The following MTOR variants were observed in gnomAD, a reference collection of about 807,000 sequenced individuals.
MTOR encodes serine/threonine-protein kinase mTOR.
MTOR carries 70 observed loss-of-function variants against 319.8 expected under a neutral mutation model. That is an observed-to-expected ratio of 0.22 (90% confidence interval 0.18 to 0.27). The LOEUF (loss-of-function observed/expected upper bound fraction) is 0.27. Among genes scored for constraint, MTOR ranks in the 10% least tolerant of loss-of-function variants. The pLI, the probability that MTOR is intolerant of heterozygous loss-of-function variation, is 1.00. For synonymous variants in MTOR, 1,183 were observed against 1,211.4 expected (o/e 0.98, Z 0.49); for missense variants, 1,890 against 3,274.4 (o/e 0.58, Z 10.32).
At chr1:11,174,278 C>T (rs764958393) in intron 28 of MTOR, among the ~76,000 whole-genome samples, 3 of 152,186 alleles carry the variant, frequency 2.0e-5, no homozygotes, top group East Asian at 1.9e-4. Flanking sequence ...GTAAAATGAA[C>T]GAGTGTGAGC....
intron 20 of MTOR, 24 bp from the exon 21 acceptor site, chr1:11,213,590 G>A (rs776146863): frequency 2.5e-6 from 4 of 1,609,736 alleles, no homozygotes; most frequent in Middle Eastern, 1.7e-4. Flanking sequence ...AAAGTCAGAG[G>A]AGCTGAGTCA....
rs1178993472 is a variant in MTOR at position 11,124,479 on chromosome 1, T to C, written c.6662+19A>G. 6.3e-7 allele frequency: 1 copy of C among 1,595,728 alleles called. No homozygotes were observed. The highest frequency in any genetic ancestry group is 1.1e-5 in the South Asian group (1 of 90,654). The stretch of plus-strand genomic sequence containing the variant: ...CAGAAGACTTCTCAAATTGTTGCCA[T>C]TTCAGGGTTTCTGAATACCTGAGGT... On this transcript the variant is annotated intron_variant, in intron 47 of 57. Transcript: ENST00000361445.
At chr1:11,202,471 G>C (rs1448362543) in intron 26 of MTOR, among the ~76,000 whole-genome samples, 1 of 144,614 alleles carries the variant, frequency 6.9e-6, no homozygotes, top group Non-Finnish European at 1.5e-5. Flanking sequence ...TATTTTTTTT[G>C]GCGGGGTTGA....
intron 13 of MTOR, among the ~76,000 whole-genome samples, chr1:11,235,568 C>T (rs1454758263): frequency 6.6e-6 from 1 of 151,988 alleles, no homozygotes; most frequent in Non-Finnish European, 1.5e-5. Context: ...AGTTTAAAAA[C>T]AAAAAAGAGT....
At chr1:11,119,700 C>T (rs1178708036) in intron 49 of MTOR, among the ~76,000 whole-genome samples, 6 of 148,536 alleles carry the variant, frequency 4.0e-5, no homozygotes, top group African/African-American at 7.5e-5. Flanking sequence ...GAGCCGAGAT[C>T]GTGCTGCTGC....
At chr1:11,162,840 G>A (rs1321039262) in intron 29 of MTOR, among the ~76,000 whole-genome samples, 1 of 152,194 alleles carries the variant, frequency 6.6e-6, no homozygotes, top group Non-Finnish European at 1.5e-5. Context: ...ATGCCAAATT[G>A]TAAAGACCAT....
chr1:11,124,478 A>G lies in MTOR; in HGVS notation c.6662+20T>C, dbSNP rs1179600115. ...CCAGAAGACTTCTCAAATTGTTGCC[A>G]TTTCAGGGTTTCTGAATACCTGAGG... is the stretch of plus-strand genomic sequence containing the variant. On this transcript the variant is annotated intron_variant, in intron 47 of 57. Coordinates refer to ENST00000361445, the MANE Select transcript of MTOR (RefSeq NM_004958.4). 9 of 1,595,498 alleles carry G rather than the reference A, an allele frequency of 5.6e-6. No homozygotes were observed. The East Asian group carries it at 1.1e-4, about 20-fold the overall frequency.
chr1:11,259,243 A>C lies in MTOR; in HGVS notation c.162+5T>G. ...ACAATGACTGGCCCCAGATCCCAGA[A>C]GCACCTCTCGGAGTTCCATGGTGAC... On this transcript the variant is annotated splice_donor_5th_base_variant and intron_variant, in intron 2 of 57. Transcript: ENST00000361445. 1 of 1,613,248 alleles carries C rather than the reference A, an allele frequency of 6.2e-7. No individual in the cohort carries two copies. The highest frequency in any genetic ancestry group is 8.5e-7 in the Non-Finnish European group (1 of 1,179,682).
At chr1:11,111,210 G>C (rs1641846864) in intron 54 of MTOR, 5 of 453,782 alleles carry the variant, frequency 1.1e-5, no homozygotes, top group South Asian at 7.8e-5. Context: ...AAGGTGGGGT[G>C]GCTCATGCCT....
chr1:11,132,799 A>G, intron 38 of MTOR: 1 of 331,044 alleles, frequency 3.0e-6, no homozygotes, highest in Non-Finnish European at 5.6e-6. Flanking sequence ...GCTCCCAGGA[A>G]AACAAGCAGC....
At chr1:11,176,410 C>A (rs1163714958) in intron 28 of MTOR, among the ~76,000 whole-genome samples, 1 of 152,228 alleles carries the variant, frequency 6.6e-6, no homozygotes, top group Non-Finnish European at 1.5e-5. Flanking sequence ...GGAGCATCTG[C>A]AGGCACAGCT....
chr1:11,156,172 T>C (rs1644313356), intron 30 of MTOR, among the ~76,000 whole-genome samples: 1 of 152,088 alleles, frequency 6.6e-6, no homozygotes, highest in Admixed American at 6.6e-5. Flanking sequence ...TTATTTTTAG[T>C]GGAGACGAGG....
chr1:11,136,616 C>A (rs182093950), intron 36 of MTOR, among the ~76,000 whole-genome samples: 27 of 152,270 alleles, frequency 1.8e-4, no homozygotes, highest in Admixed American at 1.2e-3. Flanking sequence ...CCTCCTACCT[C>A]AGCCTCCCAG....
At chr1:11,130,450 T>C (rs1279307526) in intron 39 of MTOR, 79 bp downstream of exon 39, 1 of 1,561,310 alleles carries the variant, frequency 6.4e-7, no homozygotes, top group Non-Finnish European at 8.7e-7. Context: ...TCAGGTTCCT[T>C]TTAAGCTTAA....
chr1:11,112,776 G>A (rs1379469603), intron 54 of MTOR, 76 bp downstream of exon 54: 21 of 1,476,358 alleles, frequency 1.4e-5, no homozygotes, highest in African/African-American at 1.4e-4. Context: ...TGCACCCACC[G>A]ACTGAAGCCC....
intron 19 of MTOR, among the ~76,000 whole-genome samples, chr1:11,220,033 AAAAAAAAAAAAAG>A (rs1342445453): frequency 2.2e-4 from 13 of 60,388 alleles, no homozygotes; most frequent in East Asian, 8.3e-4. Flanking sequence ...CTTGATCTCA[AAAAAAAAAAAAAG>A]AAAAGAAAAG....
At chr1:11,130,881 T>C (rs2100435372) in intron 38 of MTOR, 104 bp from the exon 39 acceptor site, 3 of 1,404,414 alleles carry the variant, frequency 2.1e-6, no homozygotes, top group Non-Finnish European at 2.8e-6. Context: ...CTGCCTGTTC[T>C]GTGTGTCCAT....
rs536726999 is a variant in MTOR at position 11,107,876 on chromosome 1, G to A, written c.7634+305C>T. On this transcript the variant is annotated intron_variant, in intron 57 of 57. Coordinates refer to ENST00000361445, the MANE Select transcript of MTOR (RefSeq NM_004958.4). ...TTCGCCCTTCCTGTATCTCTGCACT[G>A]GACTGACAGCAAAACCCAAAAGGAA... Among the ~76,000 whole-genome samples, 17 of 152,226 alleles carry A rather than the reference G, an allele frequency of 1.1e-4. No homozygotes were observed. The South Asian group carries it at 3.5e-3, about 32-fold the overall frequency.
intron 28 of MTOR, among the ~76,000 whole-genome samples, chr1:11,193,346 G>A (rs896162780): frequency 7.9e-5 from 12 of 151,398 alleles, no homozygotes. Flanking sequence ...TTCCCTCCAA[G>A]CTTCATGTGC....
Sources: allele counts gnomAD v4.1 joint callset (sites outside exome capture counted in the v4.1 genomes callset), GRCh38; gene constraint gnomAD v4.1.1; transcripts MANE v1.5; gene names NCBI Gene and HGNC (gene_info 2026-07-23, HGNC 2026-07-21).